ARIH1: variants seen among roughly 807,000 people sequenced by gnomAD.
ARIH1 encodes the protein ariadne RBR E3 ubiquitin protein ligase 1.
ARIH1 carries 8 observed loss-of-function variants against 85.0 expected under a neutral mutation model. The ratio of observed to expected loss-of-function variants is 0.09; its 90% CI spans 0.06 to 0.17. The LOEUF (loss-of-function observed/expected upper bound fraction) is 0.17. ARIH1 is among the 10% of genes least tolerant of loss of function. The pLI is 1.00. For synonymous variants in ARIH1, 238 were observed against 253.6 expected, an observed-to-expected ratio of 0.94 and a Z score of 0.59; for missense variants, 311 against 718.1, an observed-to-expected ratio of 0.43 and a Z score of 6.48.
At chr15:72,536,172 G>A (rs28575961) in intron 2 of ARIH1, among the ~76,000 whole-genome samples, 1 of 152,180 alleles carries the variant, frequency 6.6e-6, no homozygotes, top group Non-Finnish European at 1.5e-5. Flanking sequence ...TCTAAAGCCT[G>A]TATTGTACAG....
chr15:72,489,023 A>G (rs2063848302), intron 1 of ARIH1, among the ~76,000 whole-genome samples: 1 of 152,186 alleles, frequency 6.6e-6, no homozygotes, highest in Admixed American at 6.5e-5. Flanking sequence ...CCAGAGGATT[A>G]CTTGAGTCCA....
chr15:72,566,501 C>A, intron 7 of ARIH1, 62 bp from the exon 8 acceptor site: 1 of 1,329,598 alleles, frequency 7.5e-7, no homozygotes, highest in Non-Finnish European at 1.1e-6. Context: ...AAATGATTGG[C>A]TTATTTACTT....
In ARIH1 at chr15:72,474,410, G is replaced by A. The variant is rs1305869650; in HGVS notation, c.-230G>A. ...CCGGAGCGGAGCCGCGTCTGACTGA[G>A]GCGGGCAGCAAGCGGCCCCCTCGCT... On this transcript the variant is annotated 5_prime_UTR_variant, in exon 1 of 14. Coordinates refer to ENST00000379887, the MANE Select transcript of ARIH1 (RefSeq NM_005744.5). 8.8e-6 allele frequency: 5 copies of A among 566,710 alleles called. No homozygotes were observed. The Admixed American group carries it at 1.0e-4, about 11-fold the overall frequency. 35.1% of individuals were successfully genotyped at this position (566,710 alleles called of 1,614,324 possible).
chr15:72,524,960 C>G (rs982191093), intron 2 of ARIH1, among the ~76,000 whole-genome samples: 6 of 152,240 alleles, frequency 3.9e-5, no homozygotes, highest in Non-Finnish European at 8.8e-5. Flanking sequence ...TCTTGGCTCA[C>G]TGCAACCTCC....
chr15:72,533,710 C>T (rs1325841598), intron 2 of ARIH1, among the ~76,000 whole-genome samples: 1 of 152,090 alleles, frequency 6.6e-6, no homozygotes, highest in African/African-American at 2.4e-5. Context: ...AGTTACAGAT[C>T]AGCTTGGGCA....
chr15:72,510,440 G>A (rs1338269852), intron 1 of ARIH1, among the ~76,000 whole-genome samples: 1 of 152,002 alleles, frequency 6.6e-6, no homozygotes, highest in African/African-American at 2.4e-5. Flanking sequence ...TGTATTAAAT[G>A]TGAGCTAAAG....
chr15:72,510,736 CAAAAAAAAAAAAAAAAAAAAAAA>C (rs57834481), intron 1 of ARIH1, among the ~76,000 whole-genome samples: 2 of 26,716 alleles, frequency 7.5e-5, no homozygotes, highest in African/African-American at 1.2e-4. Flanking sequence ...GACTCTGACT[CAAAAAAAAAAAAAAAAAAAAAAA>C]AAAAAAAAAA....
intron 1 of ARIH1, among the ~76,000 whole-genome samples, chr15:72,483,691 A>G (rs1165670360): frequency 6.6e-6 from 1 of 152,216 alleles, no homozygotes; most frequent in Non-Finnish European, 1.5e-5. Context: ...GCTTTGCAAA[A>G]CATTATACCT....
intron 1 of ARIH1, among the ~76,000 whole-genome samples, chr15:72,496,505 T>G (rs899503759): frequency 2.0e-5 from 3 of 152,196 alleles, no homozygotes; most frequent in African/African-American, 7.2e-5. Flanking sequence ...TTGAAGAAAC[T>G]GTGTGGCCTG....
chr15:72,484,429 T>C (rs1007624104), intron 1 of ARIH1, among the ~76,000 whole-genome samples: 15 of 151,734 alleles, frequency 9.9e-5, no homozygotes, highest in Non-Finnish European at 1.5e-5. Flanking sequence ...CTCACCTTTT[T>C]CCCCCGAGTC....
intron 2 of ARIH1, among the ~76,000 whole-genome samples, chr15:72,539,144 A>G (rs2064095714): frequency 6.6e-6 from 1 of 152,236 alleles, no homozygotes. Context: ...AGATGCCTCA[A>G]CTACAGTGCT....
intron 1 of ARIH1, among the ~76,000 whole-genome samples, chr15:72,479,730 AT>A (rs1007266586): frequency 1.3e-5 from 2 of 151,524 alleles, no homozygotes; most frequent in Non-Finnish European, 2.9e-5. Flanking sequence ...AAAGAAAAAA[AT>A]ATCTAAGCCT....
chr15:72,515,364 TATAAA>T (rs2063970543), intron 1 of ARIH1, among the ~76,000 whole-genome samples: 1 of 152,012 alleles, frequency 6.6e-6, no homozygotes, highest in South Asian at 2.1e-4. Context: ...AATAAAAAAA[TATAAA>T]ATAACTGCTT....
intron 1 of ARIH1, among the ~76,000 whole-genome samples, chr15:72,476,565 A>G (rs958081546): frequency 4.6e-5 from 7 of 151,818 alleles, no homozygotes; most frequent in African/African-American, 1.7e-4. Flanking sequence ...GGGTTTCACC[A>G]TGCTGGCCAG....
rs2064345083 is a variant in ARIH1, at chr15:72,591,903, T to A, written c.*8611T>A. On this transcript the variant is annotated 3_prime_UTR_variant, in exon 14 of 14. Coordinates refer to ENST00000379887, the MANE Select transcript of ARIH1 (RefSeq NM_005744.5). The stretch of plus-strand genomic sequence containing the variant: ...GGGAAAGCACTAAAGAGTTTTCCAA[T>A]AAGGAAGAATGATCTGAGTGTCTAC... The A allele has an allele frequency of 6.6e-6, 1 of 152,174 alleles. No homozygotes were observed. Among genetic ancestry groups the A allele is most frequent in the Non-Finnish European group, 1.5e-5 (1 of 68,024 alleles). The allele number at this position is 152,174 out of a possible 1,614,324, so 9.4% of individuals were successfully genotyped here. A position where few individuals can be genotyped will look rare whatever the true frequency, so the allele number is the denominator to read the frequency against.
intron 1 of ARIH1, among the ~76,000 whole-genome samples, chr15:72,509,668 A>C (rs1595856648): frequency 6.6e-6 from 1 of 152,236 alleles, no homozygotes; most frequent in East Asian, 1.9e-4. Flanking sequence ...AGGTCACTAC[A>C]GCCTTGTGCT....
chr15:72,529,868 C>G (rs1412342339), intron 2 of ARIH1, among the ~76,000 whole-genome samples: 1 of 152,092 alleles, frequency 6.6e-6, no homozygotes, highest in Non-Finnish European at 1.5e-5. Flanking sequence ...GTTTAATGCA[C>G]GTTATAAGGG....
intron 1 of ARIH1, among the ~76,000 whole-genome samples, chr15:72,512,314 T>G (rs2063954202): frequency 6.6e-6 from 1 of 152,126 alleles, no homozygotes; most frequent in African/African-American, 2.4e-5. Flanking sequence ...ATACTCAGTT[T>G]GCTTAATAGA....
chr15:72,593,522 G>GT lies in ARIH1; in HGVS notation c.*10237dup, dbSNP rs1213076365. On this transcript the variant is annotated 3_prime_UTR_variant, in exon 14 of 14. Transcript: ENST00000379887. The stretch of plus-strand genomic sequence containing the variant: ...ATTTTTGTGAACAGAATGAGGTTTG[G>GT]TTTTTTTCCAACATGGATATACAGT... 2 of 152,078 alleles carry GT rather than the reference G, an allele frequency of 1.3e-5. No homozygotes were observed. Among genetic ancestry groups the GT allele is most frequent in the East Asian group, 1.9e-4 (1 of 5,196 alleles). The allele number at this position is 152,078 out of a possible 1,614,324, so 9.4% of individuals were successfully genotyped here.
Sources: allele counts gnomAD v4.1 joint callset (sites outside exome capture counted in the v4.1 genomes callset), GRCh38; gene constraint gnomAD v4.1.1; transcripts MANE v1.5; gene names NCBI Gene and HGNC (gene_info 2026-07-23, HGNC 2026-07-21).